LIPE: variants seen among roughly 807,000 people sequenced by gnomAD.
LIPE encodes the protein hormone-sensitive lipase.
Under a neutral mutation model 88.5 loss-of-function variants are expected in LIPE, and 66 were observed. The ratio of observed to expected loss-of-function variants is 0.75; its 90% CI spans 0.61 to 0.91. LIPE has a LOEUF of 0.91. LIPE is among the 40% of genes least tolerant of loss of function. The pLI, the probability that LIPE is intolerant of heterozygous loss-of-function variation, is 0.00. For synonymous variants in LIPE, 570 were observed against 617.5 expected, an observed-to-expected ratio of 0.92 and a Z score of 1.14; for missense variants, 1,346 against 1,434.7, an observed-to-expected ratio of 0.94 and a Z score of 1.00.
rs1219813511 is a variant in LIPE at position 42,407,335 on chromosome 19, G to C, written c.1976C>G (p.Thr659Ser). 1 of 1,612,720 alleles carries C rather than the reference G, an allele frequency of 6.2e-7. No individual in the cohort carries two copies. The highest frequency in any genetic ancestry group is 8.5e-7 in the Non-Finnish European group (1 of 1,179,554). The change falls in exon 6 of 10, where the codon ACC becomes AGC. Residue 659 changes from threonine (T) to serine (S), a missense_variant. Coordinates refer to ENST00000244289, the MANE Select transcript of LIPE (RefSeq NM_005357.4). This position sits in a 1 kb window ranked among gnomAD's most constrained non-coding sequence, Gnocchi z 5.8. ...GAGGTAGGGCTCGTGGGATCTGGAG[G>C]TCTGGGCCACAAAGCCACCGCCGTG... Reference protein sequence around the residue: ...HFHGGGFVAQTSRSHEPYLKS... With the variant: ...HFHGGGFVAQSSRSHEPYLKS...
chr19:42,423,977 A>C, intron 1 of LIPE: 1 of 1,161,850 alleles, frequency 8.6e-7, no homozygotes, highest in Non-Finnish European at 1.1e-6. Flanking sequence ...TTGAAGGGGG[A>C]AAGTGGGGCG....
chr19:42,424,037 C>T (rs773858094), intron 1 of LIPE: 41 of 1,184,010 alleles, frequency 3.5e-5, no homozygotes, highest in Non-Finnish European at 4.4e-5. Context: ...TCTGCCAACT[C>T]AAAGACGAGG....
In LIPE at chr19:42,417,155, C is replaced by T. The variant is rs567809111; in HGVS notation, c.884-6313G>A. Among the ~76,000 whole-genome samples, 15 of 152,338 alleles carry T rather than the reference C, an allele frequency of 9.8e-5. No homozygotes were observed. The East Asian group carries it at 1.2e-3, about 12-fold the overall frequency. On this transcript the variant is annotated intron_variant, in intron 1 of 9. Transcript: ENST00000244289. ...TAGGATGGTCTCGATCTCCTGACCTCGTGATTCGCCTGCCTCGGCCTCCCA... is the reference window on the plus strand; with the variant it reads ...TAGGATGGTCTCGATCTCCTGACCTTGTGATTCGCCTGCCTCGGCCTCCCA...
chr19:42,408,016 C>T lies in LIPE; in HGVS notation c.1616G>A (p.Trp539Ter), dbSNP rs367795573. The change falls in exon 4 of 10, where the codon TGG becomes TAG. Residue 539 changes from tryptophan (W) to a stop codon, truncating the protein, a stop_gained. Transcript: ENST00000244289. LOFTEE classifies it high-confidence loss of function. This position sits in a 1 kb window ranked among gnomAD's most constrained non-coding sequence, Gnocchi z 4.3. ...CTCGGTGATGTTCCAGAAGGCTTTCCAGAAGTGCACGTCCAGGTTCTGTGT... is the reference window on the plus strand; with the variant it reads ...CTCGGTGATGTTCCAGAAGGCTTTCTAGAAGTGCACGTCCAGGTTCTGTGT... ...RITQNLDVHF[W>*]KAFWNITEME... 2.5e-6 allele frequency: 4 copies of T among 1,613,624 alleles called. No individual in the cohort carries two copies. The highest frequency in any genetic ancestry group is 3.4e-6 in the Non-Finnish European group (4 of 1,179,854).
At position 42,422,254 on chromosome 19, in the gene LIPE, T is replaced by C. The variant is rs35057744; in HGVS notation, c.883+4013A>G. 1.1e-3 allele frequency among the ~76,000 whole-genome samples: 169 copies of C among 152,330 alleles called. 1 individual carries two copies. Among genetic ancestry groups the C allele is most frequent in the Non-Finnish European group, 2.0e-3 (135 of 68,022 alleles). On this transcript the variant is annotated intron_variant, in intron 1 of 9. Transcript: ENST00000244289. ...AACCTCACAAAAGGAGGTACTCCTATCATCATACCCATTTTAGAGCTCAGA... is the reference window on the plus strand; with the variant it reads ...AACCTCACAAAAGGAGGTACTCCTACCATCATACCCATTTTAGAGCTCAGA...
Position 42,407,021 on chromosome 19 carries a change from G to C in LIPE, c.2137+153C>G, listed in dbSNP as rs759797479. 1.1e-4 allele frequency among the ~76,000 whole-genome samples: 17 copies of C among 152,154 alleles called. No homozygotes were observed. The highest frequency in any genetic ancestry group is 2.1e-4 in the Non-Finnish European group (14 of 68,024). ...GTTGGGGACAGAGGATAAAGTGGCT[G>C]AGGTGGAAGATTGGGCAGGACCTGG... is the stretch of plus-strand genomic sequence containing the variant. On this transcript the variant is annotated intron_variant, in intron 6 of 9. Transcript: ENST00000244289. This position sits in a 1 kb window ranked among gnomAD's most constrained non-coding sequence, Gnocchi z 5.8.
Position 42,407,205 on chromosome 19 carries a change from G to A in LIPE, c.2106C>T (p.Tyr702=). 6.5e-7 allele frequency: 1 copy of A among 1,543,602 alleles called. No homozygotes were observed. Residue 702 remains tyrosine (Y), a synonymous_variant, in exon 6 of 10, where the codon TAC becomes TAT. Coordinates refer to ENST00000244289, the MANE Select transcript of LIPE (RefSeq NM_005357.4). This position sits in a 1 kb window ranked among gnomAD's most constrained non-coding sequence, Gnocchi z 5.8. ...GGGCGCAGTGCTTGATGGCCCAGCA[G>A]TAGGCGAAGAAGCACTCCTCCAGCG... ...PRALEECFFA[Y]CWAIKHCALL... is the part of the protein sequence containing the mutation.
intron 1 of LIPE, among the ~76,000 whole-genome samples, chr19:42,422,146 C>T (rs1023276020): frequency 2.8e-4 from 42 of 152,322 alleles, no homozygotes; most frequent in African/African-American, 8.7e-4. Flanking sequence ...GTTCACCGTC[C>T]GGTGGGGACT....
At position 42,405,382 on chromosome 19, in the gene LIPE, C is replaced by A; in HGVS notation, c.2542+3G>T. On this transcript the variant is annotated splice_donor_region_variant and intron_variant, in intron 8 of 9. Coordinates refer to ENST00000244289, the MANE Select transcript of LIPE (RefSeq NM_005357.4). ...GGGCATGTGACGGGAGTGAATCACTCACCTGCTATGGGCTCCGACATCTTC... is the reference window on the plus strand; with the variant it reads ...GGGCATGTGACGGGAGTGAATCACTAACCTGCTATGGGCTCCGACATCTTC... The A allele has an allele frequency of 1.2e-6, 2 of 1,612,244 alleles. No individual in the cohort carries two copies. The highest frequency in any genetic ancestry group is 1.7e-6 in the Non-Finnish European group (2 of 1,179,614).
At chr19:42,420,120 A>C (rs2040568394) in intron 1 of LIPE, among the ~76,000 whole-genome samples, 1 of 150,614 alleles carries the variant, frequency 6.6e-6, no homozygotes, top group Admixed American at 6.6e-5. Flanking sequence ...GACCATTATC[A>C]TCCCTTTTGG....
At chr19:42,423,957 G>A in intron 1 of LIPE, 2 of 1,167,326 alleles carry the variant, frequency 1.7e-6, no homozygotes, top group South Asian at 1.7e-5. Context: ...CACGCGGCCC[G>A]GCCCGCCTTT....
chr19:42,410,300 G>C lies in LIPE; in HGVS notation c.1419+7C>G, dbSNP rs774026883. ...GGGCCCAGAGGGGCACGGGGCAGGG[G>C]GCTCACCTGGAAGCCCAGGCAGCGG... On this transcript the variant is annotated splice_region_variant and intron_variant, in intron 2 of 9. Transcript: ENST00000244289. This position sits in a 1 kb window ranked among gnomAD's most constrained non-coding sequence, Gnocchi z 6.1. 39 of 1,560,154 alleles carry C rather than the reference G, an allele frequency of 2.5e-5. No homozygotes were observed. The African/African-American group carries it at 4.9e-4, about 20-fold the overall frequency.
At chr19:42,402,447 C>A (rs1355503026) in intron 9 of LIPE, among the ~76,000 whole-genome samples, 160 bp downstream of exon 9, 1 of 152,182 alleles carries the variant, frequency 6.6e-6, no homozygotes, top group East Asian at 1.9e-4. Flanking sequence ...TTGTCCTCCT[C>A]CCGTTCGTTC....
rs780228545 is a variant in LIPE, at chr19:42,403,148, C to T, written c.2543-117G>A. The T allele has an allele frequency of 1.2e-4, 125 of 1,063,820 alleles. 1 individual carries two copies. The highest frequency in any genetic ancestry group is 1.5e-4 in the Non-Finnish European group (117 of 759,494). 65.9% of individuals were successfully genotyped at this position (1,063,820 alleles called of 1,614,324 possible). A position where few individuals can be genotyped will look rare whatever the true frequency, so the allele number is the denominator to read the frequency against. ...GAGCGCTGTGAAAGGCTGTGTTTCC[C>T]CAGACTCTTGCCTAGGGGATGGGTG... On this transcript the variant is annotated intron_variant, in intron 8 of 9. Coordinates refer to ENST00000244289, the MANE Select transcript of LIPE (RefSeq NM_005357.4).
At chr19:42,403,532 C>G (rs1225189623) in intron 8 of LIPE, among the ~76,000 whole-genome samples, 1 of 151,454 alleles carries the variant, frequency 6.6e-6, no homozygotes, top group Non-Finnish European at 1.5e-5. Context: ...ACTGCAACCT[C>G]CACCTCCCAG....
At position 42,407,561 on chromosome 19, in the gene LIPE, G is replaced by A. The variant is rs567084799; in HGVS notation, c.1842+45C>T. On this transcript the variant is annotated intron_variant, in intron 5 of 9. Coordinates refer to ENST00000244289, the MANE Select transcript of LIPE (RefSeq NM_005357.4). This position sits in a 1 kb window ranked among gnomAD's most constrained non-coding sequence, Gnocchi z 5.8. Reference sequence around the variant, plus strand: ...GGATGCCAAGGTGGGGGCTGCCCACGCTCCTCGGCTCTGTCCCTGTCCCTG... The same window carrying A: ...GGATGCCAAGGTGGGGGCTGCCCACACTCCTCGGCTCTGTCCCTGTCCCTG... 3.8e-6 allele frequency: 6 copies of A among 1,576,940 alleles called. No homozygotes were observed. The highest frequency in any genetic ancestry group is 1.3e-5 in the African/African-American group (1 of 74,378).
chr19:42,423,318 C>T (rs1481586355), intron 1 of LIPE: 15 of 907,050 alleles, frequency 1.7e-5, no homozygotes, highest in Non-Finnish European at 2.1e-5. Flanking sequence ...TCCGCGGACC[C>T]CCCCAACTCC....
At chr19:42,403,558 G>C (rs1162324518) in intron 8 of LIPE, among the ~76,000 whole-genome samples, 2 of 150,708 alleles carry the variant, frequency 1.3e-5, no homozygotes, top group Admixed American at 1.3e-4. Context: ...AGTGATTCTC[G>C]TGCCTCAGCT....
At chr19:42,415,810 GAA>G (rs756329700) in intron 1 of LIPE, among the ~76,000 whole-genome samples, 6 of 135,412 alleles carry the variant, frequency 4.4e-5, no homozygotes, top group Non-Finnish European at 3.2e-5. Context: ...ACTCCGTCTG[GAA>G]AAAAAAAAAA....
Sources: allele counts gnomAD v4.1 joint callset (sites outside exome capture counted in the v4.1 genomes callset), GRCh38; gene constraint gnomAD v4.1.1; non-coding constraint Gnocchi (gnomAD v3.1); transcripts MANE v1.5; gene names NCBI Gene and HGNC (gene_info 2026-07-23, HGNC 2026-07-21).